Variants in KLHL29 observed in about 807,000 individuals in gnomAD.
KLHL29 encodes kelch-like protein 29.
Under a neutral mutation model 80.4 loss-of-function variants are expected in KLHL29, and 21 were observed. The observed-to-expected ratio is 0.26, with a 90% CI of 0.19 to 0.38. The LOEUF (loss-of-function observed/expected upper bound fraction) is 0.38, where lower values mean the gene tolerates loss of function less well. Among genes scored for constraint, KLHL29 ranks in the 10% least tolerant of loss-of-function variants. KLHL29 has a pLI of 1.00. For synonymous variants in KLHL29, 511 were observed against 526.8 expected (o/e 0.97, Z 0.41); for missense variants, 867 against 1,223.9 (o/e 0.71, Z 4.35).
intron 3 of KLHL29, among the ~76,000 whole-genome samples, chr2:23,571,171 G>A (rs1006795337): frequency 3.3e-5 from 5 of 152,234 alleles, no homozygotes; most frequent in South Asian, 2.1e-4. Context: ...GACTGATGGC[G>A]AACATGACCC....
rs112745050 is a variant in KLHL29, at chr2:23,513,617, C to T, written c.-46+37950C>T. On this transcript the variant is annotated intron_variant, in intron 2 of 13. Coordinates refer to ENST00000486442, the MANE Select transcript of KLHL29 (RefSeq NM_052920.2). ...TAAGGCCTGAGCAGGTAAGCTGAAC[C>T]GCTTGACGTGATAATCCAAACTGAC... Among the ~76,000 whole-genome samples the T allele has an allele frequency of 5.7e-3, 869 of 152,308 alleles. 12 individuals are homozygous for T. The highest frequency in any genetic ancestry group is 0.02 in the African/African-American group (817 of 41,562).
chr2:23,433,759 A>T (rs1048947376), intron 1 of KLHL29, among the ~76,000 whole-genome samples: 3 of 152,014 alleles, frequency 2.0e-5, no homozygotes, highest in Non-Finnish European at 2.9e-5. Context: ...TACGAAAAAA[A>T]TTTTTTAAAA....
intron 3 of KLHL29, among the ~76,000 whole-genome samples, chr2:23,573,077 T>TA (rs1667757665): frequency 5.9e-3 from 1 of 170 alleles, no homozygotes; most frequent in East Asian, 0.17. Flanking sequence ...GGGTTCGTAG[T>TA]TGGGCCTGAG....
intron 3 of KLHL29, among the ~76,000 whole-genome samples, chr2:23,573,088 C>T (rs930459578): frequency 6.6e-6 from 1 of 152,002 alleles, no homozygotes; most frequent in Admixed American, 6.6e-5. Context: ...TGGGCCTGAG[C>T]CCGGATGATG....
chr2:23,565,926 C>A (rs756671610), intron 3 of KLHL29, among the ~76,000 whole-genome samples: 1 of 152,216 alleles, frequency 6.6e-6, no homozygotes, highest in Non-Finnish European at 1.5e-5. Context: ...ACATCACGTG[C>A]CCTGGGGGCT....
chr2:23,456,207 T>C (rs1664044860), intron 1 of KLHL29, among the ~76,000 whole-genome samples: 2 of 152,340 alleles, frequency 1.3e-5, no homozygotes, highest in South Asian at 4.2e-4. Flanking sequence ...TCCAAGCAGA[T>C]TCCTGTTTGA....
chr2:23,666,031 C>G (rs1670543392), intron 5 of KLHL29, among the ~76,000 whole-genome samples: 1 of 152,194 alleles, frequency 6.6e-6, no homozygotes, highest in African/African-American at 2.4e-5. Context: ...ACACCTCACC[C>G]CAAGTTGTAA....
intron 2 of KLHL29, among the ~76,000 whole-genome samples, chr2:23,561,808 C>T (rs1437970530): frequency 7.9e-5 from 12 of 152,080 alleles, no homozygotes; most frequent in South Asian, 6.2e-4. Context: ...TCTTTTTTCA[C>T]GGTGGGGTGG....
At chr2:23,702,525 C>T (rs1472944843) in intron 11 of KLHL29, among the ~76,000 whole-genome samples, 1 of 152,172 alleles carries the variant, frequency 6.6e-6, no homozygotes. Context: ...TCTCCCTTCA[C>T]CTGTAATGTT....
intron 1 of KLHL29, among the ~76,000 whole-genome samples, chr2:23,434,356 G>C (rs888608621): frequency 1.4e-5 from 2 of 138,396 alleles, no homozygotes; most frequent in Non-Finnish European, 3.1e-5. Flanking sequence ...GCTAGGCTCC[G>C]TGAGTCATGG....
intron 3 of KLHL29, among the ~76,000 whole-genome samples, chr2:23,592,241 G>C (rs188004327): frequency 3.1e-5 from 1 of 31,842 alleles, no homozygotes; most frequent in Admixed American, 5.0e-4. Context: ...TCAGAAGCCC[G>C]GCCATCAGGC....
intron 3 of KLHL29, among the ~76,000 whole-genome samples, chr2:23,569,878 G>A (rs1045712648): frequency 2.0e-5 from 3 of 152,200 alleles, no homozygotes; most frequent in Admixed American, 6.5e-5. Context: ...TTCATGGTAC[G>A]GCCAGCCAGA....
intron 2 of KLHL29, chr2:23,524,072 C>T: frequency 2.1e-6 from 1 of 471,298 alleles, no homozygotes. Flanking sequence ...CCTTCCCCAT[C>T]TAGGGTTTTT....
intron 1 of KLHL29, among the ~76,000 whole-genome samples, chr2:23,429,363 C>A (rs1663102586): frequency 6.6e-6 from 1 of 152,244 alleles, no homozygotes; most frequent in East Asian, 1.9e-4. Flanking sequence ...AACCACCACC[C>A]AGCCCTGAGG....
intron 2 of KLHL29, among the ~76,000 whole-genome samples, chr2:23,530,050 G>C (rs780940627): frequency 1.3e-5 from 2 of 152,166 alleles, no homozygotes; most frequent in Non-Finnish European, 2.9e-5. Context: ...CTTCAGTTCT[G>C]CAGGGCTGGA....
intron 3 of KLHL29, among the ~76,000 whole-genome samples, chr2:23,606,332 G>T (rs895373999): frequency 6.6e-6 from 1 of 152,068 alleles, no homozygotes; most frequent in African/African-American, 2.4e-5. Context: ...CCTCCCAGCC[G>T]CTCTGCTGCT....
At chr2:23,456,467 G>A (rs1042372853) in intron 1 of KLHL29, among the ~76,000 whole-genome samples, 1 of 152,272 alleles carries the variant, frequency 6.6e-6, no homozygotes, top group Non-Finnish European at 1.5e-5. Context: ...GCTATGCTCA[G>A]GAGTGTTCAT....
intron 2 of KLHL29, among the ~76,000 whole-genome samples, chr2:23,477,153 A>G (rs567428908): frequency 3.5e-4 from 53 of 152,362 alleles, no homozygotes; most frequent in Middle Eastern, 3.4e-3. Flanking sequence ...AGCACAGGCC[A>G]TAGCAGCCCC....
intron 2 of KLHL29, among the ~76,000 whole-genome samples, chr2:23,528,255 G>C (rs891382970): frequency 6.6e-6 from 1 of 152,204 alleles, no homozygotes; most frequent in African/African-American, 2.4e-5. Context: ...AAATTCCATC[G>C]CACAGATGGG....
Sources: gnomAD v4.1 joint callset for allele counts (sites outside exome capture counted in the v4.1 genomes callset) on GRCh38, gnomAD v4.1.1 for gene constraint, MANE v1.5 for transcripts, NCBI Gene and HGNC (gene_info 2026-07-23, HGNC 2026-07-21) for gene names.